RNGTT: variants seen among roughly 807,000 people sequenced by gnomAD.
RNGTT encodes the protein RNA guanylyltransferase and 5'-phosphatase.
A neutral mutation model predicts 79.3 loss-of-function variants in RNGTT; 33 were observed. The observed-to-expected ratio is 0.42, with a 90% CI of 0.32 to 0.56. The LOEUF is 0.56. RNGTT is among the 20% of genes least tolerant of loss of function. The pLI is 0.17. For synonymous variants in RNGTT, 222 were observed against 235.9 expected, an observed-to-expected ratio of 0.94 and a Z score of 0.54; for missense variants, 497 against 739.1, an observed-to-expected ratio of 0.67 and a Z score of 3.80.
intron 14 of RNGTT, among the ~76,000 whole-genome samples, chr6:88,635,933 T>G (rs1773082684): frequency 1.3e-5 from 2 of 152,036 alleles, no homozygotes; most frequent in Non-Finnish European, 2.9e-5. Context: ...TGGAGGGTTC[T>G]CAGCCTTCTC....
At chr6:88,770,136 C>T (rs1234606407) in intron 12 of RNGTT, among the ~76,000 whole-genome samples, 1 of 152,098 alleles carries the variant, frequency 6.6e-6, no homozygotes, top group Non-Finnish European at 1.5e-5. Context: ...CTTCCTATGA[C>T]TTAAAAGAAG....
At chr6:88,693,773 C>T (rs1775563252) in intron 13 of RNGTT, among the ~76,000 whole-genome samples, 1 of 152,016 alleles carries the variant, frequency 6.6e-6, no homozygotes, top group Admixed American at 6.6e-5. Flanking sequence ...AGGATTTATC[C>T]CCGGAATGAA....
At chr6:88,623,525 C>T (rs1772515480) in intron 14 of RNGTT, among the ~76,000 whole-genome samples, 1 of 151,880 alleles carries the variant, frequency 6.6e-6, no homozygotes, top group Non-Finnish European at 1.5e-5. Context: ...ATTACTCAGG[C>T]CTATTAATTC....
In RNGTT at chr6:88,929,007, T is replaced by G. The variant is rs747339201; in HGVS notation, c.345A>C (p.Glu115Asp). ...TACCTATAAGTTCAGGTGGATTTCT[T>G]TCATTAAACCGCTCACACAGACGAA... Reference protein sequence around the residue: ...TFIRLCERFNERNPPELIGVH... With the variant: ...TFIRLCERFNDRNPPELIGVH... Residue 115 changes from glutamate (E) to aspartate (D), a missense_variant, in exon 4 of 16, where the codon GAA becomes GAC. By Grantham distance (45) the Glu-to-Asp change is conservative. Around this residue, in one of 3 missense-constraint regions of RNGTT, gnomAD observed 440 missense variants for 671.5 expected, o/e 0.66. Coordinates refer to ENST00000369485, the MANE Select transcript of RNGTT (RefSeq NM_003800.5). The G allele has an allele frequency of 1.1e-5, 17 of 1,611,166 alleles. No individual in the cohort carries two copies. Among genetic ancestry groups the G allele is most frequent in the Non-Finnish European group, 1.4e-5 (16 of 1,178,744 alleles).
At chr6:88,724,238 A>G (rs1158521359) in intron 13 of RNGTT, among the ~76,000 whole-genome samples, 1 of 152,088 alleles carries the variant, frequency 6.6e-6, no homozygotes, top group African/African-American at 2.4e-5. Flanking sequence ...CTCACTCACC[A>G]CTCACTGACT....
chr6:88,894,345 T>C (rs1188410943), intron 6 of RNGTT, among the ~76,000 whole-genome samples: 1 of 152,112 alleles, frequency 6.6e-6, no homozygotes, highest in Non-Finnish European at 1.5e-5. Flanking sequence ...TTCATATTTA[T>C]TTTATTTTAA....
chr6:88,697,288 G>T (rs1359018022), intron 13 of RNGTT, among the ~76,000 whole-genome samples: 4 of 151,918 alleles, frequency 2.6e-5, no homozygotes, highest in Admixed American at 1.3e-4. Context: ...TATGAATTTT[G>T]CCCCTGTAAT....
At chr6:88,756,487 G>C in intron 13 of RNGTT, among the ~76,000 whole-genome samples, 2 of 152,120 alleles carry the variant, frequency 1.3e-5, no homozygotes, top group South Asian at 4.1e-4. Context: ...AAACAAAAAA[G>C]AGGTAAAATT....
chr6:88,851,262 T>C (rs981385881), intron 9 of RNGTT, among the ~76,000 whole-genome samples: 1 of 151,644 alleles, frequency 6.6e-6, no homozygotes, highest in African/African-American at 2.4e-5. Context: ...GAACCCCAGA[T>C]ACATAACATA....
intron 13 of RNGTT, among the ~76,000 whole-genome samples, chr6:88,698,936 C>T (rs566149308): frequency 1.3e-5 from 2 of 152,176 alleles, no homozygotes; most frequent in African/African-American, 2.4e-5. Context: ...CAGTGCACAG[C>T]GCTGGCAATG....
At chr6:88,813,622 T>C (rs974868649) in intron 11 of RNGTT, among the ~76,000 whole-genome samples, 7 of 152,332 alleles carry the variant, frequency 4.6e-5, no homozygotes, top group Non-Finnish European at 1.0e-4. Context: ...ATTCCCATTT[T>C]AAAGGTGAAG....
intron 11 of RNGTT, among the ~76,000 whole-genome samples, chr6:88,822,190 G>C (rs1438513534): frequency 6.6e-6 from 1 of 152,142 alleles, no homozygotes; most frequent in Non-Finnish European, 1.5e-5. Flanking sequence ...AAGGAAACAA[G>C]TAGAGATTTT....
intron 11 of RNGTT, among the ~76,000 whole-genome samples, chr6:88,829,392 A>C (rs1211507088): frequency 6.6e-6 from 1 of 152,208 alleles, no homozygotes; most frequent in Admixed American, 6.5e-5. Context: ...ATACGGAAGG[A>C]AAAAACCAGT....
intron 11 of RNGTT, among the ~76,000 whole-genome samples, chr6:88,818,237 A>T (rs1011071670): frequency 6.6e-6 from 1 of 152,148 alleles, no homozygotes; most frequent in Admixed American, 6.5e-5. Flanking sequence ...TTTGAAAGTC[A>T]GCATATTAGA....
At chr6:88,862,166 A>G (rs9353627) in intron 8 of RNGTT, among the ~76,000 whole-genome samples, 6,242 of 152,264 alleles carry the variant, frequency 0.041, 189 homozygotes, top group African/African-American at 0.077. Flanking sequence ...GCTTTCTTGT[A>G]TATTAATGAG....
rs1179528254 is a variant in RNGTT at position 88,693,105 on chromosome 6, C to A, written c.1440-14686G>T. ...AGAAAAAGAAAAAGCCCAAAGTTAG[C>A]AGAAAGAAGGAAACAATAAAGATCA... On this transcript the variant is annotated intron_variant, in intron 13 of 15. Transcript: ENST00000369485. Among the ~76,000 whole-genome samples, 8 of 151,622 alleles carry A rather than the reference C, an allele frequency of 5.3e-5. No individual in the cohort carries two copies. In the East Asian group the frequency reaches 1.4e-3, roughly 26 times the overall value.
chr6:88,850,550 T>TCTTGCTATCTAATTTTATAACGGTTTC, intron 9 of RNGTT, among the ~76,000 whole-genome samples: 1 of 151,996 alleles, frequency 6.6e-6, no homozygotes, highest in Non-Finnish European at 1.5e-5. Flanking sequence ...AGATAGGTTT[T>TCTTGCTATCTAATTTTATAACGGTTTC]CTTGCTATCT....
At chr6:88,619,637 T>C (rs1208941561) in intron 14 of RNGTT, among the ~76,000 whole-genome samples, 37 of 151,888 alleles carry the variant, frequency 2.4e-4, no homozygotes, top group Non-Finnish European at 4.4e-5. Context: ...TATGAGACTA[T>C]AAATAAATTT....
At chr6:88,962,462 T>C (rs1389263777) in intron 1 of RNGTT, among the ~76,000 whole-genome samples, 2 of 151,950 alleles carry the variant, frequency 1.3e-5, no homozygotes, top group East Asian at 3.9e-4. Flanking sequence ...TGAAACCCTG[T>C]CTCCACAAAA....
Sources: allele counts gnomAD v4.1 joint callset (sites outside exome capture counted in the v4.1 genomes callset), GRCh38; gene constraint gnomAD v4.1.1; regional missense constraint gnomAD v4.1.1; transcripts MANE v1.5; gene names NCBI Gene and HGNC (gene_info 2026-07-23, HGNC 2026-07-21).